Variants in ARHGAP42 observed in about 807,000 individuals in gnomAD.
ARHGAP42 encodes the protein rho GTPase-activating protein 42.
ARHGAP42 carries 63 observed loss-of-function variants against 125.0 expected under a neutral mutation model. The ratio of observed to expected loss-of-function variants is 0.50; its 90% CI spans 0.41 to 0.62. The LOEUF (loss-of-function observed/expected upper bound fraction) is 0.62, where lower values mean the gene tolerates loss of function less well. Among genes scored for constraint, ARHGAP42 ranks in the 20% least tolerant of loss-of-function variants. The probability of loss-of-function intolerance (pLI) is 0.00; values close to 1 mark genes in which losing one functional copy is unlikely to be tolerated. For missense variants in ARHGAP42, 766 were observed against 1,024.2 expected (o/e 0.75, Z 3.44); for synonymous variants, 339 against 351.0 (o/e 0.97, Z 0.38).
intron 1 of ARHGAP42, among the ~76,000 whole-genome samples, chr11:100,758,834 G>A (rs1862635209): frequency 6.6e-6 from 1 of 152,002 alleles, no homozygotes; most frequent in South Asian, 2.1e-4. Flanking sequence ...ACCTAACTTG[G>A]CCACCTAGCA....
At chr11:100,933,583 G>C (rs1376778472) in intron 7 of ARHGAP42, among the ~76,000 whole-genome samples, 1 of 152,046 alleles carries the variant, frequency 6.6e-6, no homozygotes, top group Non-Finnish European at 1.5e-5. Context: ...AATTTATTGA[G>C]AGTTTAGGTC....
intron 4 of ARHGAP42, among the ~76,000 whole-genome samples, chr11:100,892,636 T>C (rs1409072410): frequency 6.6e-6 from 1 of 152,178 alleles, no homozygotes; most frequent in South Asian, 2.1e-4. Context: ...GATGACATTA[T>C]AGATGCTTCT....
intron 4 of ARHGAP42, among the ~76,000 whole-genome samples, chr11:100,908,069 C>A (rs1168894435): frequency 6.6e-6 from 1 of 151,976 alleles, no homozygotes; most frequent in African/African-American, 2.4e-5. Flanking sequence ...ATGATAGGTT[C>A]TTTTACTACA....
chr11:100,835,046 C>A (rs954874447), intron 3 of ARHGAP42, among the ~76,000 whole-genome samples: 5 of 151,976 alleles, frequency 3.3e-5, no homozygotes, highest in African/African-American at 1.2e-4. Context: ...CATTAGATTG[C>A]ACATTTTCCT....
chr11:100,885,516 C>G (rs921449443), intron 4 of ARHGAP42, among the ~76,000 whole-genome samples: 1 of 152,088 alleles, frequency 6.6e-6, no homozygotes, highest in African/African-American at 2.4e-5. Flanking sequence ...TTTATAATTT[C>G]TTTCACTTTA....
In ARHGAP42 at chr11:100,992,713, G is replaced by T; in HGVS notation, c.*3912G>T. The T allele has an allele frequency of 6.5e-7, 1 of 1,543,906 alleles. No individual in the cohort carries two copies. The highest frequency in any genetic ancestry group is 1.3e-5 in the South Asian group (1 of 79,086). On this transcript the variant is annotated 3_prime_UTR_variant, in exon 24 of 24. Coordinates refer to ENST00000298815, the MANE Select transcript of ARHGAP42 (RefSeq NM_152432.4). ...TTTATGAATGATGTGGACTTTTAGA[G>T]GATCAAATCAATAAATTGGATTTTT...
intron 1 of ARHGAP42, among the ~76,000 whole-genome samples, chr11:100,732,808 A>G (rs1355586826): frequency 1.3e-5 from 2 of 152,174 alleles, no homozygotes; most frequent in African/African-American, 2.4e-5. Flanking sequence ...TTAAGCAGCA[A>G]TTTTACCAAT....
At chr11:100,898,351 C>G (rs1255822559) in intron 4 of ARHGAP42, among the ~76,000 whole-genome samples, 1 of 152,152 alleles carries the variant, frequency 6.6e-6, no homozygotes, top group African/African-American at 2.4e-5. Flanking sequence ...TGATGGTGGC[C>G]TCATAAAATG....
Position 100,976,886 on chromosome 11 carries a change from C to T in ARHGAP42, c.2308C>T (p.Pro770Ser). 2.6e-6 allele frequency: 4 copies of T among 1,551,532 alleles called. No homozygotes were observed. Among genetic ancestry groups the T allele is most frequent in the Non-Finnish European group, 1.7e-6 (2 of 1,146,872 alleles). Residue 770 changes from proline to serine, a missense_variant, in exon 21 of 24, where the codon CCA (proline) becomes TCA (serine). This residue lies in a region of ARHGAP42 where 308 missense variants were observed against 369.7 expected (regional missense o/e 0.83). Transcript: ENST00000298815. The part of the protein sequence containing the change: ...VGSKETPKAS[P>S]NPDLPPKMCR... The stretch of plus-strand genomic sequence containing the variant: ...TTCCAAGGAGACACCCAAAGCTTCA[C>T]CAAACCCAGACCTGCCTCCGAAAAT...
intron 1 of ARHGAP42, among the ~76,000 whole-genome samples, chr11:100,708,181 T>C (rs1164126375): frequency 4.6e-5 from 7 of 152,132 alleles, no homozygotes. Context: ...TAAGTCCCTT[T>C]TGTGAGCTGT....
At chr11:100,753,039 A>G (rs569444333) in intron 1 of ARHGAP42, among the ~76,000 whole-genome samples, 16 of 152,288 alleles carry the variant, frequency 1.1e-4, no homozygotes, top group Non-Finnish European at 1.9e-4. Context: ...TAGGGCTCCC[A>G]GAAGTTCTGT....
chr11:100,840,443 T>G (rs1351831131), intron 3 of ARHGAP42: 2 of 152,226 alleles, frequency 1.3e-5, no homozygotes, highest in Non-Finnish European at 2.9e-5. Flanking sequence ...GGGCTTGATA[T>G]TCAATGAGTA....
chr11:100,940,147 T>A (rs929170865), intron 8 of ARHGAP42, among the ~76,000 whole-genome samples: 2 of 152,194 alleles, frequency 1.3e-5, no homozygotes, highest in Non-Finnish European at 2.9e-5. Flanking sequence ...GACTGCACCC[T>A]GTAATTTTAA....
At chr11:100,855,031 T>G (rs1865294183) in intron 3 of ARHGAP42, among the ~76,000 whole-genome samples, 2 of 152,326 alleles carry the variant, frequency 1.3e-5, no homozygotes, top group Non-Finnish European at 2.9e-5. Flanking sequence ...TTGTATTGAT[T>G]GTTTATATTG....
At chr11:100,826,363 A>G (rs372937799) in intron 3 of ARHGAP42, among the ~76,000 whole-genome samples, 35 of 152,258 alleles carry the variant, frequency 2.3e-4, no homozygotes, top group African/African-American at 8.2e-4. Context: ...GGATGCTTCT[A>G]CATGTTTTCA....
intron 1 of ARHGAP42, among the ~76,000 whole-genome samples, chr11:100,744,745 A>C (rs182693242): frequency 1.7e-3 from 253 of 152,306 alleles, no homozygotes; most frequent in African/African-American, 5.0e-3. Context: ...TGGTTGTAGT[A>C]GCAATGTGCT....
At chr11:100,944,200 T>C (rs74391261) in intron 10 of ARHGAP42, among the ~76,000 whole-genome samples, 7,467 of 151,996 alleles carry the variant, frequency 0.049, 310 homozygotes, top group East Asian at 0.25. Context: ...GGATCAGCCT[T>C]TTGGTGGGCT....
chr11:100,985,449 A>G lies in ARHGAP42; in HGVS notation c.2457-2064A>G, dbSNP rs145347846. Among the ~76,000 whole-genome samples, 644 of 152,288 alleles carry G rather than the reference A, an allele frequency of 4.2e-3. 1 individual carries two copies. Among genetic ancestry groups the G allele is most frequent in the African/African-American group, 0.015 (610 of 41,552 alleles). On this transcript the variant is annotated intron_variant, in intron 22 of 23. Coordinates refer to ENST00000298815, the MANE Select transcript of ARHGAP42 (RefSeq NM_152432.4). ...TCAAATGGTTATAGTTGGCTAGAAG[A>G]TTTATAGGGAAAAAGTTTATATTCT...
intron 8 of ARHGAP42, among the ~76,000 whole-genome samples, chr11:100,938,279 G>A (rs1867788383): frequency 6.6e-6 from 1 of 151,880 alleles, no homozygotes; most frequent in South Asian, 2.1e-4. Context: ...TTACCTCCAG[G>A]CTTGCCCATC....
Sources: allele counts gnomAD v4.1 joint callset (sites outside exome capture counted in the v4.1 genomes callset), GRCh38; gene constraint gnomAD v4.1.1; regional missense constraint gnomAD v4.1.1; transcripts MANE v1.5; gene names NCBI Gene and HGNC (gene_info 2026-07-23, HGNC 2026-07-21).